The following STK31 variants were observed in gnomAD, a reference collection of about 807,000 sequenced individuals.
STK31 encodes the protein serine/threonine-protein kinase 31.
Under a neutral mutation model 129.7 loss-of-function variants are expected in STK31, and 89 were observed. That is an observed-to-expected ratio of 0.69 (90% CI 0.58 to 0.82). The LOEUF is 0.82. Ranked by LOEUF, STK31 falls within the 40% of genes least tolerant of loss-of-function variation. The pLI is 0.00. For missense variants in STK31, 1,187 were observed against 1,176.4 expected (o/e 1.01, Z -0.13); for synonymous variants, 448 against 395.3 (o/e 1.13, Z -1.58).
intron 10 of STK31, among the ~76,000 whole-genome samples, chr7:23,756,403 C>T (rs576551992): frequency 7.9e-5 from 12 of 152,232 alleles, no homozygotes; most frequent in South Asian, 2.1e-4. Flanking sequence ...TGGGGTGAGA[C>T]GATGGGGATT....
intron 22 of STK31, among the ~76,000 whole-genome samples, chr7:23,800,398 C>T (rs1434282958): frequency 6.6e-6 from 1 of 151,986 alleles, no homozygotes; most frequent in Non-Finnish European, 1.5e-5. Context: ...ATACTGTGCA[C>T]CCTTAAAAAA....
chr7:23,801,315 TTTAG>T (rs1792354162), intron 22 of STK31, among the ~76,000 whole-genome samples: 1 of 152,140 alleles, frequency 6.6e-6, no homozygotes, highest in African/African-American at 2.4e-5. Context: ...TTGAGCATCT[TTTAG>T]TTTGTTTATT....
chr7:23,825,535 T>C (rs1229735648), intron 23 of STK31, among the ~76,000 whole-genome samples: 1 of 152,152 alleles, frequency 6.6e-6, no homozygotes, highest in Admixed American at 6.6e-5. Flanking sequence ...TTTGTTGATC[T>C]TTTCAAAAAA....
At chr7:23,742,060 G>T (rs1415736107) in intron 8 of STK31, among the ~76,000 whole-genome samples, 1 of 152,242 alleles carries the variant, frequency 6.6e-6, no homozygotes. Flanking sequence ...GCAGCCCATT[G>T]CAGGGCTGTG....
intron 22 of STK31, among the ~76,000 whole-genome samples, chr7:23,794,394 T>G (rs535598956): frequency 2.6e-5 from 4 of 152,338 alleles, no homozygotes; most frequent in African/African-American, 9.6e-5. Context: ...TCCCCAGTCA[T>G]GCTGAACTGT....
intron 22 of STK31, among the ~76,000 whole-genome samples, chr7:23,812,584 A>G (rs80257269): frequency 2.0e-5 from 3 of 151,930 alleles, no homozygotes; most frequent in Admixed American, 6.6e-5. Context: ...ATATTGTTTA[A>G]TGGTGAAGTC....
intron 23 of STK31, among the ~76,000 whole-genome samples, chr7:23,829,182 A>T (rs1794393861): frequency 6.6e-6 from 1 of 151,560 alleles, no homozygotes; most frequent in African/African-American, 2.4e-5. Context: ...AAGTGATGGG[A>T]TTACAGGCGT....
intron 6 of STK31, among the ~76,000 whole-genome samples, chr7:23,732,312 T>C (rs1446952541): frequency 6.6e-6 from 1 of 152,150 alleles, no homozygotes; most frequent in Admixed American, 6.5e-5. Flanking sequence ...AATGCCTAAA[T>C]ATATTTTTTA....
chr7:23,782,902 C>G (rs1791024193), intron 16 of STK31, among the ~76,000 whole-genome samples: 1 of 151,858 alleles, frequency 6.6e-6, no homozygotes, highest in Admixed American at 6.6e-5. Flanking sequence ...TTTGACCTTG[C>G]AAGATTTGTG....
intron 14 of STK31, chr7:23,771,906 G>T: frequency 3.8e-6 from 1 of 260,180 alleles, no homozygotes. Context: ...GTATGTCTCA[G>T]TTTGAAATAT....
intron 23 of STK31, 126 bp downstream of exon 23, chr7:23,815,338 T>C (rs1312723880): frequency 3.2e-5 from 21 of 663,692 alleles, no homozygotes; most frequent in Non-Finnish European, 3.6e-5. Context: ...AAATGAAGTA[T>C]TGAAAAAAAT....
intron 1 of STK31, among the ~76,000 whole-genome samples, chr7:23,711,537 T>C (rs1683447157): frequency 6.6e-6 from 1 of 152,148 alleles, no homozygotes; most frequent in South Asian, 2.1e-4. Context: ...ATAGTGTACA[T>C]TTATTTTGGA....
rs73080922 is a variant in STK31 at position 23,712,931 on chromosome 7, T to A, written c.150+645T>A. Among the ~76,000 whole-genome samples, 5 of 152,132 alleles carry A rather than the reference T, an allele frequency of 3.3e-5. No homozygotes were observed. In the South Asian group the frequency reaches 1.0e-3, roughly 31 times the overall value. ...GGAAAGAAATTACGTTTCTCTATAC[T>A]CCCTACAGCATGGGAACTCCTTTTG... On this transcript the variant is annotated intron_variant, in intron 3 of 23. Coordinates refer to ENST00000355870, the MANE Select transcript of STK31 (RefSeq NM_031414.5).
chr7:23,722,744 G>A (rs1040981866), intron 4 of STK31: 4 of 152,674 alleles, frequency 2.6e-5, no homozygotes, highest in Non-Finnish European at 5.8e-5. Context: ...CCCAGTTCAA[G>A]CTTCCCGGTG....
intron 15 of STK31, among the ~76,000 whole-genome samples, chr7:23,776,781 A>G (rs531737221): frequency 1.3e-5 from 2 of 151,956 alleles, no homozygotes; most frequent in Non-Finnish European, 2.9e-5. Flanking sequence ...TCCTGGATTC[A>G]TTGATTTTTT....
rs939765593 is a variant in STK31, at chr7:23,791,251, A to G, written c.2760+305A>G. ...TGCATATATGGAAAATAAATGTTAA[A>G]TAAGCCTTGGGTATATTCCTGCTTC... is the stretch of plus-strand genomic sequence containing the variant. On this transcript the variant is annotated intron_variant, in intron 22 of 23. Transcript: ENST00000355870. 1.8e-5 allele frequency: 18 copies of G among 984,710 alleles called. No individual in the cohort carries two copies. The African/African-American group carries it at 2.8e-4, about 15-fold the overall frequency. 61.0% of individuals were successfully genotyped at this position (984,710 alleles called of 1,614,324 possible).
At chr7:23,810,802 AT>A (rs1793072300) in intron 22 of STK31, among the ~76,000 whole-genome samples, 1 of 138,312 alleles carries the variant, frequency 7.2e-6, no homozygotes, top group Admixed American at 7.6e-5. Flanking sequence ...ATAAATATGT[AT>A]ATATATTTGT....
At chr7:23,761,632 T>G (rs2128098844) in intron 10 of STK31, among the ~76,000 whole-genome samples, 1 of 151,760 alleles carries the variant, frequency 6.6e-6, no homozygotes, top group Admixed American at 6.6e-5. Flanking sequence ...ATGGTCTCGA[T>G]CTCCTGACCT....
At chr7:23,802,959 T>C (rs1221250732) in intron 22 of STK31, among the ~76,000 whole-genome samples, 7 of 152,228 alleles carry the variant, frequency 4.6e-5, no homozygotes, top group Admixed American at 4.6e-4. Context: ...GTGAACTCCA[T>C]TTATTTAAAT....
Sources: gnomAD v4.1 joint callset for allele counts (sites outside exome capture counted in the v4.1 genomes callset) on GRCh38, gnomAD v4.1.1 for gene constraint, MANE v1.5 for transcripts, NCBI Gene and HGNC (gene_info 2026-07-23, HGNC 2026-07-21) for gene names.